ABCD2: variants seen among roughly 807,000 people sequenced by gnomAD.
ABCD2 encodes the protein ATP binding cassette subfamily D member 2, also known as ATP-binding cassette sub-family D member 2.
A neutral mutation model predicts 70.9 loss-of-function variants in ABCD2; 36 were observed. That is an observed-to-expected ratio of 0.51 (90% confidence interval 0.39 to 0.67). The LOEUF (loss-of-function observed/expected upper bound fraction) is 0.67. Among genes scored for constraint, ABCD2 ranks in the 30% least tolerant of loss-of-function variants. The pLI, the probability that ABCD2 is intolerant of heterozygous loss-of-function variation, is 0.00. For missense variants in ABCD2, 729 were observed against 890.2 expected, an observed-to-expected ratio of 0.82 and a Z score of 2.30; for synonymous variants, 304 against 306.9, an observed-to-expected ratio of 0.99 and a Z score of 0.10.
At chr12:39,544,148 C>T in the ABCD2 span, among the ~76,000 whole-genome samples, 1 of 152,168 alleles carries the variant, frequency 6.6e-6, no homozygotes. Context: ...GGGGGGAAGC[C>T]AGTGAGCCAG....
intron 9 of ABCD2, among the ~76,000 whole-genome samples, chr12:39,565,036 G>T (rs2120561359): frequency 6.6e-6 from 1 of 152,314 alleles, no homozygotes; most frequent in Admixed American, 6.5e-5. Context: ...CTGTAGCCTT[G>T]TAGTATAGTT....
At chr12:39,589,138 T>TGGAGAGAG (rs1941707686) in intron 6 of ABCD2, among the ~76,000 whole-genome samples, 1 of 152,110 alleles carries the variant, frequency 6.6e-6, no homozygotes, top group Non-Finnish European at 1.5e-5. Flanking sequence ...TGTGTATGCC[T>TGGAGAGAG]GGAGAGAGAA....
At chr12:39,569,533 C>T (rs1208725926) in intron 9 of ABCD2, among the ~76,000 whole-genome samples, 1 of 152,186 alleles carries the variant, frequency 6.6e-6, no homozygotes, top group Non-Finnish European at 1.5e-5. Flanking sequence ...TCAACCCTTA[C>T]TTTGAGTAGG....
At chr12:39,540,785 C>T in the ABCD2 span, among the ~76,000 whole-genome samples, 3 of 152,152 alleles carry the variant, frequency 2.0e-5, no homozygotes, top group East Asian at 3.8e-4. Context: ...GCCTAAACAC[C>T]CTCCCTTCCC....
At chr12:39,599,552 T>G (rs1941867667) in intron 6 of ABCD2, among the ~76,000 whole-genome samples, 1 of 152,222 alleles carries the variant, frequency 6.6e-6, no homozygotes, top group East Asian at 1.9e-4. Flanking sequence ...TCCAGCATTT[T>G]CAGCCAATGC....
At chr12:39,570,371 CT>C (rs1205143957) in intron 9 of ABCD2, among the ~76,000 whole-genome samples, 1 of 152,154 alleles carries the variant, frequency 6.6e-6, no homozygotes, top group Non-Finnish European at 1.5e-5. Flanking sequence ...CAGCATTGTA[CT>C]GACACAAAAA....
At chr12:39,541,609 T>G in the ABCD2 span, among the ~76,000 whole-genome samples, 8 of 152,184 alleles carry the variant, frequency 5.3e-5, no homozygotes, top group Non-Finnish European at 1.2e-4. Flanking sequence ...AGGATTAGAT[T>G]TGCAGTGGGA....
chr12:39,614,324 T>C (rs78714328), intron 2 of ABCD2, among the ~76,000 whole-genome samples: 1,708 of 152,352 alleles, frequency 0.011, 29 homozygotes, highest in African/African-American at 0.038. Context: ...GTATGTTACA[T>C]GTAACTTCGT....
At chr12:39,582,809 G>A (rs931298687) in intron 7 of ABCD2, among the ~76,000 whole-genome samples, 1 of 151,242 alleles carries the variant, frequency 6.6e-6, no homozygotes, top group African/African-American at 2.4e-5. Flanking sequence ...ATCACACAAA[G>A]ACAAAGTACA....
chr12:39,549,276 T>G (rs1941056788), downstream of ABCD2, among the ~76,000 whole-genome samples: 1 of 151,982 alleles, frequency 6.6e-6, no homozygotes, highest in Non-Finnish European at 1.5e-5. Flanking sequence ...GCTTATCACT[T>G]AAATTGCAAC....
At chr12:39,618,557 C>T in intron 1 of ABCD2, 120 bp downstream of exon 1, 1 of 837,440 alleles carries the variant, frequency 1.2e-6, no homozygotes, top group Non-Finnish European at 1.8e-6. Context: ...GTTTAGATGT[C>T]AGAGGAATCT....
At chr12:39,557,650 C>T (rs191492149) in intron 9 of ABCD2, among the ~76,000 whole-genome samples, 48 of 152,170 alleles carry the variant, frequency 3.2e-4, no homozygotes, top group African/African-American at 1.1e-3. Context: ...GGGCCAGGTC[C>T]AGGAACTTGC....
intron 4 of ABCD2, among the ~76,000 whole-genome samples, chr12:39,604,550 T>C (rs1941944866): frequency 6.6e-6 from 1 of 152,032 alleles, no homozygotes; most frequent in African/African-American, 2.4e-5. Flanking sequence ...GAAAATTGTG[T>C]CCTAAATAAA....
Position 39,579,624 on chromosome 12 carries a change from A to G in ABCD2, c.1793-5T>C. 1 of 1,595,152 alleles carries G rather than the reference A, an allele frequency of 6.3e-7. No homozygotes were observed. The highest frequency in any genetic ancestry group is 1.1e-5 in the South Asian group (1 of 88,200). On this transcript the variant is annotated splice_polypyrimidine_tract_variant and splice_region_variant and intron_variant, in intron 7 of 9. Transcript: ENST00000308666. ...AGTCCATAACAGCATCCCATCCTTAAGAAAATAAAAAAATATACATTTTTA... is the reference window on the plus strand; with the variant it reads ...AGTCCATAACAGCATCCCATCCTTAGGAAAATAAAAAAATATACATTTTTA...
chr12:39,579,558 G>T lies in ABCD2; in HGVS notation c.1854C>A (p.Gly618=). The change falls in exon 8 of 10, where the codon GGC becomes GGA. Residue 618 remains glycine (G), a synonymous_variant. Coordinates refer to ENST00000308666, the MANE Select transcript of ABCD2 (RefSeq NM_005164.4). ...VLSGGEKQRM[G]MARMFYHKPK... ...ACTTATGATAAAACATACGAGCCATGCCCATTCTTTGCTTTTCCCCTCCTG... is the reference window on the plus strand; with the variant it reads ...ACTTATGATAAAACATACGAGCCATTCCCATTCTTTGCTTTTCCCCTCCTG... The T allele has an allele frequency of 6.2e-7, 1 of 1,613,120 alleles. No homozygotes were observed. The highest frequency in any genetic ancestry group is 8.5e-7 in the Non-Finnish European group (1 of 1,179,354).
At chr12:39,559,858 A>T (rs888672272) in intron 9 of ABCD2, among the ~76,000 whole-genome samples, 1 of 152,238 alleles carries the variant, frequency 6.6e-6, no homozygotes, top group Non-Finnish European at 1.5e-5. Flanking sequence ...GATATGTCTT[A>T]TAAGGAGTAC....
rs1456124835 is a variant in ABCD2, at chr12:39,553,353, CT to C, written c.*558del. ...TGGCATTTTATACATTTTAGCCATGCTTTTTTCTTTCAACAAATGCCATTAA... is the reference window on the plus strand; with the variant it reads ...TGGCATTTTATACATTTTAGCCATGCTTTTTCTTTCAACAAATGCCATTAA... On this transcript the variant is annotated 3_prime_UTR_variant, in exon 10 of 10. Transcript: ENST00000308666. The C allele has an allele frequency of 6.6e-6, 1 of 151,868 alleles. No homozygotes were observed. The highest frequency in any genetic ancestry group is 1.5e-5 in the Non-Finnish European group (1 of 67,862). The allele number at this position is 151,868 out of a possible 1,614,324, so 9.4% of individuals were successfully genotyped here.
intron 6 of ABCD2, among the ~76,000 whole-genome samples, chr12:39,592,417 TTCAG>T (rs1941758924): frequency 6.6e-6 from 1 of 152,200 alleles, no homozygotes; most frequent in Non-Finnish European, 1.5e-5. Context: ...TGTTCATTCA[TTCAG>T]TCAATCACTT....
At chr12:39,614,333 G>T (rs952462313) in intron 2 of ABCD2, among the ~76,000 whole-genome samples, 3 of 152,222 alleles carry the variant, frequency 2.0e-5, no homozygotes, top group African/African-American at 4.8e-5. Flanking sequence ...ATGTAACTTC[G>T]TAAAAATTTT....
Sources: gnomAD v4.1 joint callset for allele counts (sites outside exome capture counted in the v4.1 genomes callset) on GRCh38, gnomAD v4.1.1 for gene constraint, MANE v1.5 for transcripts, NCBI Gene and HGNC (gene_info 2026-07-23, HGNC 2026-07-21) for gene names.